The following BOK variants were observed in gnomAD, a reference collection of about 807,000 sequenced individuals.
BOK encodes BCL2 family apoptosis regulator BOK.
Under a neutral mutation model 18.3 loss-of-function variants are expected in BOK, and 20 were observed. That is an observed-to-expected ratio of 1.09 (90% confidence interval 0.77 to 1.59). The LOEUF is 1.59. BOK is among the 40% of genes most tolerant of loss of function. BOK has a pLI of 0.00. For synonymous variants in BOK, 173 were observed against 142.4 expected, an observed-to-expected ratio of 1.21 and a Z score of -1.53; for missense variants, 348 against 307.9, an observed-to-expected ratio of 1.13 and a Z score of -0.97.
At chr2:241,565,726 C>T (rs1025805441) in intron 3 of BOK, among the ~76,000 whole-genome samples, 4 of 152,138 alleles carry the variant, frequency 2.6e-5, no homozygotes, top group African/African-American at 7.2e-5. Flanking sequence ...GGCAGGGCTC[C>T]GTGGGGGTCT....
chr2:241,571,196 C>A (rs2066712934), intron 4 of BOK, among the ~76,000 whole-genome samples: 1 of 151,712 alleles, frequency 6.6e-6, no homozygotes, highest in African/African-American at 2.4e-5. Flanking sequence ...TAAGGACCCG[C>A]TGCCCCAGCC....
At chr2:241,568,837 G>C (rs80345756) in intron 3 of BOK, among the ~76,000 whole-genome samples, 2 of 152,240 alleles carry the variant, frequency 1.3e-5, no homozygotes, top group Admixed American at 1.3e-4. Context: ...CTGTGACTGA[G>C]TGTTTGTTTG....
rs557390533 is a variant in BOK at position 241,567,144 on chromosome 2, C to CTT, written c.350-2968_350-2967dup. Among the ~76,000 whole-genome samples, 6 of 118,028 alleles carry CTT rather than the reference C, an allele frequency of 5.1e-5. 1 individual carries two copies. The highest frequency in any genetic ancestry group is 8.8e-5 in the Non-Finnish European group (5 of 56,806). 77.4% of individuals were successfully genotyped at this position (118,028 alleles called of 152,430 possible). A position where few individuals can be genotyped will look rare whatever the true frequency, so the allele number is the denominator to read the frequency against. On this transcript the variant is annotated intron_variant, in intron 3 of 4. Coordinates refer to ENST00000318407, the MANE Select transcript of BOK (RefSeq NM_032515.5). ...GCCATCACTCGGAACATAGTATGTT[C>CTT]TTTTTTTTTTTTTTAATTTTTGCTC... is the stretch of plus-strand genomic sequence containing the variant.
rs1210290564 is a variant in BOK at position 241,572,553 on chromosome 2, C to T, written c.*131C>T. On this transcript the variant is annotated 3_prime_UTR_variant, in exon 5 of 5. Coordinates refer to ENST00000318407, the MANE Select transcript of BOK (RefSeq NM_032515.5). ...TAACCCTCGGAGACCCCCTAAGCCC[C>T]GTTCCTCCGCAGACCCAGGCCCTCC... 1.9e-5 allele frequency: 26 copies of T among 1,368,576 alleles called. No individual in the cohort carries two copies. Among genetic ancestry groups the T allele is most frequent in the South Asian group, 5.6e-5 (4 of 71,050 alleles). The allele number at this position is 1,368,576 out of a possible 1,614,324, so 84.8% of individuals were successfully genotyped here.
chr2:241,556,948 T>TAA (rs1317778189), upstream of BOK, among the ~76,000 whole-genome samples: 3 of 152,230 alleles, frequency 2.0e-5, no homozygotes, highest in Non-Finnish European at 2.9e-5. Context: ...TTTCTATTTC[T>TAA]TTTAGTGTCA....
At chr2:241,557,494 A>G (rs2066462399), upstream of BOK, among the ~76,000 whole-genome samples, 1 of 151,840 alleles carries the variant, frequency 6.6e-6, no homozygotes. Flanking sequence ...TATCTCTAGT[A>G]GAGACGGGGT....
chr2:241,572,444 G>T lies in BOK; in HGVS notation c.*22G>T. ...ATGAGCTGCCCACCTGGCAGTGGCCGCAGCCTGGCCCTCTGGGCCCAACGC... is the reference window on the plus strand; with the variant it reads ...ATGAGCTGCCCACCTGGCAGTGGCCTCAGCCTGGCCCTCTGGGCCCAACGC... On this transcript the variant is annotated 3_prime_UTR_variant, in exon 5 of 5. Transcript: ENST00000318407. 6.3e-7 allele frequency: 1 copy of T among 1,588,680 alleles called. No homozygotes were observed. The highest frequency in any genetic ancestry group is 1.1e-5 in the South Asian group (1 of 88,846).
chr2:241,562,588 G>T lies in BOK; in HGVS notation c.349+112G>T. The T allele has an allele frequency of 1.5e-6, 2 of 1,340,452 alleles. No homozygotes were observed. Among genetic ancestry groups the T allele is most frequent in the Non-Finnish European group, 2.0e-6 (2 of 1,012,490 alleles). 83.0% of individuals were successfully genotyped at this position (1,340,452 alleles called of 1,614,324 possible). A position where few individuals can be genotyped will look rare whatever the true frequency, so the allele number is the denominator to read the frequency against. ...CCCACCCATCCTGGCGCTGCCCAGT[G>T]CCCACCGGTGCCATCTCACTGCTGC... On this transcript the variant is annotated intron_variant, in intron 3 of 4. Coordinates refer to ENST00000318407, the MANE Select transcript of BOK (RefSeq NM_032515.5). The surrounding 1 kb of genome is among the most constrained non-coding windows in gnomAD (Gnocchi z 4.5).
intron 3 of BOK, among the ~76,000 whole-genome samples, chr2:241,568,591 T>C (rs2066654149): frequency 6.6e-6 from 1 of 152,122 alleles, no homozygotes; most frequent in Non-Finnish European, 1.5e-5. Flanking sequence ...CTAATTTTTG[T>C]ATTTTTAGTA....
At chr2:241,567,024 G>T (rs1258649728) in intron 3 of BOK, among the ~76,000 whole-genome samples, 1 of 134,658 alleles carries the variant, frequency 7.4e-6, no homozygotes, top group South Asian at 2.5e-4. Flanking sequence ...AGACACAGAA[G>T]AGCTGGAAGG....
chr2:241,556,575 C>G (rs1014227981), upstream of BOK, among the ~76,000 whole-genome samples: 7 of 113,194 alleles, frequency 6.2e-5, no homozygotes, highest in African/African-American at 2.6e-4. Context: ...GAGCGAGACT[C>G]CGTCTCAAAA....
Position 241,562,044 on chromosome 2 carries a change from G to A in BOK, c.221-304G>A, listed in dbSNP as rs945513747. On this transcript the variant is annotated intron_variant, in intron 2 of 4. Transcript: ENST00000318407. The surrounding 1 kb of genome is among the most constrained non-coding windows in gnomAD (Gnocchi z 4.5). ...TGAGTCACCAGCAGGCACGGCCCAC[G>A]CTCTCGCAGGATTCCCGCCCCACCG... Among the ~76,000 whole-genome samples the A allele has an allele frequency of 1.6e-4, 25 of 152,340 alleles. No homozygotes were observed. The highest frequency in any genetic ancestry group is 6.2e-4 in the South Asian group (3 of 4,826).
Position 241,562,531 on chromosome 2 carries a change from G to T in BOK, c.349+55G>T. The T allele has an allele frequency of 6.4e-7, 1 of 1,553,128 alleles. No individual in the cohort carries two copies. On this transcript the variant is annotated intron_variant, in intron 3 of 4. Coordinates refer to ENST00000318407, the MANE Select transcript of BOK (RefSeq NM_032515.5). This position sits in a 1 kb window ranked among gnomAD's most constrained non-coding sequence, Gnocchi z 4.5. ...CTCAGGGAGGGATCCAGGGTCTGTG[G>T]CTCAGGCTCACAGGGACCCCACGAG...
At position 241,566,742 on chromosome 2, in the gene BOK, C is replaced by T. The variant is rs890567573; in HGVS notation, c.350-3383C>T. ...TCCTGCCACCTCAACCTGTGAAATA[C>T]GCCAGACACAAAATGAACAAGCCGT... On this transcript the variant is annotated intron_variant, in intron 3 of 4. Transcript: ENST00000318407. Among the ~76,000 whole-genome samples, 18 of 89,770 alleles carry T rather than the reference C, an allele frequency of 2.0e-4. 3 individuals are homozygous for T. The highest frequency in any genetic ancestry group is 4.8e-4 in the African/African-American group (10 of 20,762). The allele number at this position is 89,770 out of a possible 152,430, so 58.9% of individuals were successfully genotyped here.
chr2:241,553,946 G>A (rs1174763740), upstream of BOK, among the ~76,000 whole-genome samples: 1 of 152,212 alleles, frequency 6.6e-6, no homozygotes, highest in South Asian at 2.1e-4. Context: ...CTCCATGCTA[G>A]GGGTAGAGTC....
chr2:241,559,735 G>A (rs976485408), intron 2 of BOK, 32 bp downstream of exon 2: 7 of 1,285,848 alleles, frequency 5.4e-6, no homozygotes, highest in Non-Finnish European at 6.9e-6. Context: ...CCCCAGCTGC[G>A]CCTCCTCCCC....
chr2:241,553,508 G>T lies in BOK; in HGVS notation n.54+2031G>T, dbSNP rs190871322. 3.3e-5 allele frequency among the ~76,000 whole-genome samples: 5 copies of T among 152,326 alleles called. No individual in the cohort carries two copies. In the South Asian group the frequency reaches 1.0e-3, roughly 32 times the overall value. ...TAATTGGCTCACGGTTCCACAGGCT[G>T]TACAGGAAGCATGGCTGGGAGGCCT... is the stretch of plus-strand genomic sequence containing the variant. On this transcript the variant is annotated intron_variant and non_coding_transcript_variant, in intron 1 of 1. Transcript: ENST00000641230.
intron 1 of BOK, among the ~76,000 whole-genome samples, chr2:241,553,603 A>C (rs772368229): frequency 6.6e-5 from 10 of 152,212 alleles, no homozygotes; most frequent in Non-Finnish European, 1.2e-4. Flanking sequence ...AAGGAGGAAG[A>C]GAGTGAAGCG....
chr2:241,551,993 G>A, intron 1 of BOK, among the ~76,000 whole-genome samples: 1 of 152,234 alleles, frequency 6.6e-6, no homozygotes, highest in Non-Finnish European at 1.5e-5. Flanking sequence ...AATGTTCCAG[G>A]AAGAAGGAAA....
Sources: allele counts gnomAD v4.1 joint callset (sites outside exome capture counted in the v4.1 genomes callset), GRCh38; gene constraint gnomAD v4.1.1; non-coding constraint Gnocchi (gnomAD v3.1); transcripts MANE v1.5; gene names NCBI Gene and HGNC (gene_info 2026-07-23, HGNC 2026-07-21).